LRP2BP: variants seen among roughly 807,000 people sequenced by gnomAD.
The protein encoded by LRP2BP is LRP2-binding protein.
Under a neutral mutation model 45.2 loss-of-function variants are expected in LRP2BP, and 38 were observed. The ratio of observed to expected loss-of-function variants is 0.84; its 90% CI spans 0.65 to 1.10. The LOEUF is 1.10. LRP2BP is among the 50% of genes least tolerant of loss of function. The pLI is 0.00. For synonymous variants in LRP2BP, 153 were observed against 153.9 expected, an observed-to-expected ratio of 0.99 and a Z score of 0.04; for missense variants, 385 against 418.9, an observed-to-expected ratio of 0.92 and a Z score of 0.71.
intron 1 of LRP2BP, among the ~76,000 whole-genome samples, chr4:185,390,271 G>A (rs533213958): frequency 6.6e-6 from 1 of 152,162 alleles, no homozygotes; most frequent in Non-Finnish European, 1.5e-5. Context: ...AGTACTTTGA[G>A]AGGCCAAGGC....
At chr4:185,379,545 T>C (rs1430340326) in intron 1 of LRP2BP, among the ~76,000 whole-genome samples, 2 of 152,222 alleles carry the variant, frequency 1.3e-5, no homozygotes, top group East Asian at 3.8e-4. Context: ...TGGTTTTTGC[T>C]GCTGTAGCTT....
chr4:185,393,970 CTT>C (rs1351861531), intron 1 of LRP2BP, among the ~76,000 whole-genome samples: 2 of 152,114 alleles, frequency 1.3e-5, no homozygotes, highest in African/African-American at 4.8e-5. Context: ...TCTGAAGACT[CTT>C]TTGCGGCCAG....
At chr4:185,389,038 C>T (rs1429178864) in intron 1 of LRP2BP, among the ~76,000 whole-genome samples, 2 of 151,818 alleles carry the variant, frequency 1.3e-5, no homozygotes, top group East Asian at 1.9e-4. Flanking sequence ...TGCCACCACA[C>T]CCAGCTAATT....
intron 7 of LRP2BP, among the ~76,000 whole-genome samples, 169 bp downstream of exon 7, chr4:185,372,687 G>A (rs966906883): frequency 7.2e-5 from 11 of 152,196 alleles, no homozygotes; most frequent in African/African-American, 2.4e-4. Context: ...TTATAAAAGA[G>A]GTTTCCTGTA....
chr4:185,386,314 G>C (rs555768129), intron 1 of LRP2BP, among the ~76,000 whole-genome samples: 1 of 152,254 alleles, frequency 6.6e-6, no homozygotes, highest in African/African-American at 2.4e-5. Context: ...AAAATGAAAA[G>C]CATATCTTTC....
At chr4:185,396,620 G>A, upstream of LRP2BP, 1 of 445,942 alleles carries the variant, frequency 2.2e-6, no homozygotes. Flanking sequence ...TCCACAGCTG[G>A]CCAATCGGCG....
intron 2 of LRP2BP, chr4:185,377,284 C>T (rs866739628): frequency 2.6e-5 from 9 of 348,592 alleles, no homozygotes; most frequent in South Asian, 1.6e-4. Context: ...TCTGGGAGGC[C>T]GAGGCGGGTG....
intron 1 of LRP2BP, among the ~76,000 whole-genome samples, chr4:185,388,628 A>G (rs1177743363): frequency 6.6e-6 from 1 of 152,218 alleles, no homozygotes; most frequent in Non-Finnish European, 1.5e-5. Flanking sequence ...AGTTGAAAGA[A>G]AATGTTTCAA....
chr4:185,380,673 T>C (rs2095453356), intron 1 of LRP2BP, among the ~76,000 whole-genome samples: 1 of 152,194 alleles, frequency 6.6e-6, no homozygotes, highest in Non-Finnish European at 1.5e-5. Context: ...AGGTTCACAT[T>C]CACAGGTTTC....
At chr4:185,369,786 C>A (rs1399608590) in intron 8 of LRP2BP, 2 of 441,378 alleles carry the variant, frequency 4.5e-6, no homozygotes, top group African/African-American at 4.0e-5. Flanking sequence ...TCCTAGAGAC[C>A]ATGATTGAAA....
intron 8 of LRP2BP, among the ~76,000 whole-genome samples, chr4:185,367,902 G>A (rs192801117): frequency 6.5e-4 from 99 of 152,180 alleles, no homozygotes; most frequent in Middle Eastern, 6.8e-3. Context: ...CCTTATGGCC[G>A]GGCGCGGTAG....
At chr4:185,371,403 A>G (rs144239921) in intron 7 of LRP2BP, among the ~76,000 whole-genome samples, 4,247 of 152,096 alleles carry the variant, frequency 0.028, 71 homozygotes, top group African/African-American at 0.037. Flanking sequence ...TTAGCTGGGC[A>G]TGGTAGCGGG....
Position 185,394,866 on chromosome 4 carries a change from T to C in LRP2BP, c.-109A>G. 1.0e-6 allele frequency: 1 copy of C among 985,442 alleles called. No homozygotes were observed. The highest frequency in any genetic ancestry group is 1.2e-6 in the Non-Finnish European group (1 of 829,926). The allele number at this position is 985,442 out of a possible 1,614,324, so 61.0% of individuals were successfully genotyped here. On this transcript the variant is annotated 5_prime_UTR_variant, in exon 1 of 9. Coordinates refer to ENST00000505916, the MANE Select transcript of LRP2BP (RefSeq NM_001377440.1). ...TACCAGCAATTAAAACATGTAGAAT[T>C]AGCACTGCTTAGGAGAACGCCTATA... is the stretch of plus-strand genomic sequence containing the variant.
rs954384520 is a variant in LRP2BP, at chr4:185,395,009, T to A, written c.-252A>T. 3.0e-6 allele frequency: 3 copies of A among 985,386 alleles called. No homozygotes were observed. The highest frequency in any genetic ancestry group is 3.6e-6 in the Non-Finnish European group (3 of 829,952). 61.0% of individuals were successfully genotyped at this position (985,386 alleles called of 1,614,324 possible). A position where few individuals can be genotyped will look rare whatever the true frequency, so the allele number is the denominator to read the frequency against. The stretch of plus-strand genomic sequence containing the variant: ...GTCCCCCAAATGTACTTATCCTGTT[T>A]TTGTGCATTATAAGCTTTGTTCAGT... On this transcript the variant is annotated 5_prime_UTR_variant, in exon 1 of 9. Coordinates refer to ENST00000505916, the MANE Select transcript of LRP2BP (RefSeq NM_001377440.1).
intron 4 of LRP2BP, among the ~76,000 whole-genome samples, chr4:185,375,203 G>A (rs1162243420): frequency 6.6e-6 from 1 of 151,006 alleles, no homozygotes; most frequent in African/African-American, 2.4e-5. Context: ...AGCCTCCCAG[G>A]TAGCTGGGAA....
At position 185,394,762 on chromosome 4, in the gene LRP2BP, T is replaced by A. The variant is rs115223803; in HGVS notation, c.-22+17A>T. ...CAAGATTCAGCCCACACATCTCTCATCTATTCGGTCACTTACTCATCATCC... is the reference window on the plus strand; with the variant it reads ...CAAGATTCAGCCCACACATCTCTCAACTATTCGGTCACTTACTCATCATCC... On this transcript the variant is annotated intron_variant, in intron 1 of 8. Transcript: ENST00000505916. The A allele has an allele frequency of 1.8e-5, 18 of 985,284 alleles. No homozygotes were observed. The African/African-American group carries it at 2.6e-4, about 14-fold the overall frequency. The allele number at this position is 985,284 out of a possible 1,614,324, so 61.0% of individuals were successfully genotyped here. A position where few individuals can be genotyped will look rare whatever the true frequency, so the allele number is the denominator to read the frequency against.
chr4:185,368,590 G>T (rs1299493181), intron 8 of LRP2BP, among the ~76,000 whole-genome samples: 1 of 152,120 alleles, frequency 6.6e-6, no homozygotes, highest in Non-Finnish European at 1.5e-5. Context: ...TGCGTCATAT[G>T]ATATCATTCC....
chr4:185,388,354 G>C (rs778594062), intron 1 of LRP2BP, among the ~76,000 whole-genome samples: 1 of 140,080 alleles, frequency 7.1e-6, no homozygotes. Context: ...CTTTGATATA[G>C]CCATGTCCCG....
At chr4:185,388,500 C>CCTACCTAGGCTATCTAT (rs1449084285) in intron 1 of LRP2BP, among the ~76,000 whole-genome samples, 1 of 57,898 alleles carries the variant, frequency 1.7e-5, no homozygotes, top group Non-Finnish European at 3.7e-5. Flanking sequence ...ACCTATCAGG[C>CCTACCTAGGCTATCTAT]CTACCTAGGC....
Sources: allele counts gnomAD v4.1 joint callset (sites outside exome capture counted in the v4.1 genomes callset), GRCh38; gene constraint gnomAD v4.1.1; transcripts MANE v1.5; gene names NCBI Gene and HGNC (gene_info 2026-07-23, HGNC 2026-07-21).